The following JMJD1C variants were observed in gnomAD, a reference collection of about 807,000 sequenced individuals.
The protein encoded by JMJD1C is jumonji domain-containing protein 1C.
Under a neutral mutation model 245.3 loss-of-function variants are expected in JMJD1C, and 31 were observed. The ratio of observed to expected loss-of-function variants is 0.13; its 90% CI spans 0.09 to 0.17. JMJD1C has a LOEUF of 0.17. Among genes scored for constraint, JMJD1C ranks in the 10% least tolerant of loss-of-function variants. JMJD1C has a pLI of 1.00. For missense variants in JMJD1C, 2,691 were observed against 3,000.2 expected, an observed-to-expected ratio of 0.90 and a Z score of 2.41; for synonymous variants, 1,057 against 1,017.4, an observed-to-expected ratio of 1.04 and a Z score of -0.74.
At chr10:63,291,614 T>TAAA (rs10650646) in intron 2 of JMJD1C, among the ~76,000 whole-genome samples, 11,279 of 142,790 alleles carry the variant, frequency 0.079, 651 homozygotes, top group East Asian at 0.3. Flanking sequence ...AAACTCCATC[T>TAAA]AAAAAAAAAA....
Position 63,176,480 on chromosome 10 carries a change from T to C in JMJD1C, c.7225-7A>G, listed in dbSNP as rs1467418810. 6 of 1,607,310 alleles carry C rather than the reference T, an allele frequency of 3.7e-6. No homozygotes were observed. The highest frequency in any genetic ancestry group is 2.2e-5 in the South Asian group (2 of 90,826). ...GGCCTTGTTCTTTTGAAATCTGAAA[T>C]ATGAATTAAAATAGACACTCCAATT... is the stretch of plus-strand genomic sequence containing the variant. On this transcript the variant is annotated splice_polypyrimidine_tract_variant and splice_region_variant and intron_variant, in intron 23 of 25. Transcript: ENST00000399262.
At chr10:63,341,942 T>C (rs1043899299) in intron 2 of JMJD1C, among the ~76,000 whole-genome samples, 6 of 152,218 alleles carry the variant, frequency 3.9e-5, no homozygotes, top group African/African-American at 1.4e-4. Context: ...CAGTTATGTG[T>C]GCCTGTAACT....
At chr10:63,183,289 A>T (rs1440838139) in intron 22 of JMJD1C, among the ~76,000 whole-genome samples, 158 bp downstream of exon 22, 1 of 152,250 alleles carries the variant, frequency 6.6e-6, no homozygotes, top group Admixed American at 6.5e-5. Context: ...TAGGAAAATT[A>T]TTCAATCTTC....
chr10:63,492,184 C>G (rs2133220683), intron 1 of JMJD1C, among the ~76,000 whole-genome samples: 1 of 152,338 alleles, frequency 6.6e-6, no homozygotes, highest in African/African-American at 2.4e-5. Flanking sequence ...CAGGCCCATG[C>G]CACCATGCCT....
At chr10:63,280,738 C>T (rs1857285715) in intron 2 of JMJD1C, among the ~76,000 whole-genome samples, 1 of 152,118 alleles carries the variant, frequency 6.6e-6, no homozygotes, top group African/African-American at 2.4e-5. Context: ...CCAAACTCTT[C>T]ATAAACACTG....
At chr10:63,229,134 T>C (rs746687223) in intron 3 of JMJD1C, among the ~76,000 whole-genome samples, 17 of 152,272 alleles carry the variant, frequency 1.1e-4, no homozygotes, top group Admixed American at 2.6e-4. Context: ...GGTGTGTGTG[T>C]GTCTGAGTAC....
chr10:63,366,597 T>C (rs1945861599), intron 2 of JMJD1C, among the ~76,000 whole-genome samples: 1 of 152,160 alleles, frequency 6.6e-6, no homozygotes, highest in Non-Finnish European at 1.5e-5. Context: ...AGAGAAAGAA[T>C]GAGGGATGAC....
intron 2 of JMJD1C, among the ~76,000 whole-genome samples, chr10:63,330,424 C>T (rs1942022148): frequency 6.6e-6 from 1 of 151,988 alleles, no homozygotes; most frequent in Admixed American, 6.6e-5. Flanking sequence ...TAATGCTTTA[C>T]CATTCATGTT....
chr10:63,313,799 T>A (rs1939561390), intron 2 of JMJD1C, among the ~76,000 whole-genome samples: 1 of 152,322 alleles, frequency 6.6e-6, no homozygotes, highest in Non-Finnish European at 1.5e-5. Context: ...ACTGTTGAAC[T>A]TTTTGTTTGA....
At chr10:63,470,933 TAGAA>T (rs1385529080), upstream of JMJD1C, among the ~76,000 whole-genome samples, 1 of 152,168 alleles carries the variant, frequency 6.6e-6, no homozygotes, top group African/African-American at 2.4e-5. Context: ...ATTAAAAATT[TAGAA>T]AGAATACACA....
intron 3 of JMJD1C, among the ~76,000 whole-genome samples, chr10:63,248,684 A>G (rs1386679087): frequency 6.6e-6 from 1 of 152,124 alleles, no homozygotes; most frequent in Non-Finnish European, 1.5e-5. Context: ...ACTTCTCAGA[A>G]AACTAAAAAT....
chr10:63,268,052 C>G (rs1408952618), intron 2 of JMJD1C, among the ~76,000 whole-genome samples: 1 of 151,466 alleles, frequency 6.6e-6, no homozygotes, highest in Non-Finnish European at 1.5e-5. Context: ...ACAGGAAATT[C>G]AAGGAGCTTA....
Position 63,214,231 on chromosome 10 carries a change from T to C in JMJD1C, c.1936A>G (p.Lys646Glu), listed in dbSNP as rs778443308. ...TCAGGAGAATGAGTTATTTTGGGTT[T>C]AACAACTTCAGGTGATGGGCTGGAT... ...IKSSPSPEVV[K>E]PKITHSPDSV... The change falls in exon 8 of 26, where the codon AAA becomes GAA. Residue 646 changes from lysine to glutamate, a missense_variant. Physicochemically the swap from Lys to Glu is moderately conservative, Grantham distance 56. Transcript: ENST00000399262. The C allele has an allele frequency of 6.2e-7, 1 of 1,613,964 alleles. No individual in the cohort carries two copies. Among genetic ancestry groups the C allele is most frequent in the African/African-American group, 1.3e-5 (1 of 74,950 alleles).
chr10:63,325,776 C>T (rs772808126), intron 2 of JMJD1C, among the ~76,000 whole-genome samples: 1 of 152,148 alleles, frequency 6.6e-6, no homozygotes, highest in African/African-American at 2.4e-5. Flanking sequence ...ATTCTGGACA[C>T]AGTTAAACAT....
intron 3 of JMJD1C, among the ~76,000 whole-genome samples, chr10:63,259,043 T>A (rs1469105986): frequency 6.6e-6 from 1 of 152,244 alleles, no homozygotes; most frequent in East Asian, 1.9e-4. Flanking sequence ...TCTAAAGTGA[T>A]CTGTCTGTAC....
intron 1 of JMJD1C, among the ~76,000 whole-genome samples, chr10:63,382,450 A>T (rs763995902): frequency 6.6e-6 from 1 of 152,108 alleles, no homozygotes; most frequent in Non-Finnish European, 1.5e-5. Context: ...AAAGGAAAAA[A>T]ATCATCTTTA....
chr10:63,271,375 A>G (rs992083032), intron 2 of JMJD1C, among the ~76,000 whole-genome samples: 3 of 151,696 alleles, frequency 2.0e-5, no homozygotes, highest in African/African-American at 7.3e-5. Flanking sequence ...CAGGGGTGTC[A>G]TCATGTTGAC....
intron 2 of JMJD1C, among the ~76,000 whole-genome samples, chr10:63,265,346 C>T (rs1278786228): frequency 1.3e-5 from 2 of 150,732 alleles, no homozygotes; most frequent in Admixed American, 6.6e-5. Context: ...AGAGAGAGTC[C>T]GGTAAGAAGT....
At chr10:63,368,682 T>C (rs952863464) in intron 2 of JMJD1C, among the ~76,000 whole-genome samples, 3 of 152,196 alleles carry the variant, frequency 2.0e-5, no homozygotes, top group Non-Finnish European at 2.9e-5. Flanking sequence ...CTTATGTAAA[T>C]AAATCTTTTT....
Sources: allele counts gnomAD v4.1 joint callset (sites outside exome capture counted in the v4.1 genomes callset), GRCh38; gene constraint gnomAD v4.1.1; transcripts MANE v1.5; gene names NCBI Gene and HGNC (gene_info 2026-07-23, HGNC 2026-07-21).